Variants in CHADL observed in about 807,000 individuals in gnomAD.
CHADL encodes chondroadherin like, also known as chondroadherin-like protein.
In CHADL, 48 loss-of-function variants were observed where a neutral mutation model predicts 52.1. The ratio of observed to expected loss-of-function variants is 0.92; its 90% CI spans 0.73 to 1.17. The LOEUF is 1.17. Ranked by LOEUF, CHADL falls within the 50% of genes most tolerant of loss-of-function variation. The pLI, the probability that CHADL is intolerant of heterozygous loss-of-function variation, is 0.00. For synonymous variants in CHADL, 498 were observed against 511.2 expected (o/e 0.97, Z 0.35); for missense variants, 977 against 1,035.1 (o/e 0.94, Z 0.77).
intron 3 of CHADL, 141 bp from the exon 4 acceptor site, chr22:41,236,791 T>C (rs1310424746): frequency 1.2e-6 from 1 of 839,702 alleles, no homozygotes; most frequent in Non-Finnish European, 1.8e-6. Flanking sequence ...CAGCGCTGGG[T>C]CAAAACCCAG....
chr22:41,233,671 C>G (rs908990146), intron 5 of CHADL, among the ~76,000 whole-genome samples: 4 of 152,164 alleles, frequency 2.6e-5, no homozygotes, highest in African/African-American at 7.2e-5. Flanking sequence ...AGAGCACGCC[C>G]CTGCCAACAC....
chr22:41,240,751 C>A, intron 1 of CHADL, 123 bp downstream of exon 1: 1 of 1,195,650 alleles, frequency 8.4e-7, no homozygotes, highest in South Asian at 1.4e-5. Context: ...TCCTGGAGAA[C>A]CCCAGGAAGT....
chr22:41,234,627 C>A (rs910427368), intron 5 of CHADL, among the ~76,000 whole-genome samples: 4 of 151,780 alleles, frequency 2.6e-5, no homozygotes, highest in Admixed American at 6.6e-5. Flanking sequence ...GATCTCCGCT[C>A]ACTGCAAGGT....
Position 41,238,056 on chromosome 22 carries a change from G to A in CHADL, c.1016C>T (p.Pro339Leu). 7.9e-7 allele frequency: 1 copy of A among 1,272,442 alleles called. No homozygotes were observed. The highest frequency in any genetic ancestry group is 3.3e-5 in the East Asian group (1 of 30,442). 78.8% of individuals were successfully genotyped at this position (1,272,442 alleles called of 1,614,324 possible). ...CAGAGCCTCGCCCCGCAGGCGCCGCGGCCCCTGGCACGCGCCGTCCGAGCG... is the reference window on the plus strand; with the variant it reads ...CAGAGCCTCGCCCCGCAGGCGCCGCAGCCCCTGGCACGCGCCGTCCGAGCG... The part of the protein sequence containing the change: ...RVRSDGACQG[P>L]RRLRGEALDA... Residue 339 changes from proline to leucine, a missense_variant, in exon 3 of 6, where the codon CCG becomes CTG. Transcript: ENST00000216241. This position sits in a 1 kb window ranked among gnomAD's most constrained non-coding sequence, Gnocchi z 4.9.
Position 41,230,151 on chromosome 22 carries a change from G to A in CHADL, c.2263-421C>T, listed in dbSNP as rs150229614. ...CCTCCCTCTTCAGTCATTGCTGTGC[G>A]TGTGAAGGAAGAGCATCTAGACGTG... is the stretch of plus-strand genomic sequence containing the variant. On this transcript the variant is annotated intron_variant, in intron 5 of 5. Transcript: ENST00000216241. 3.0e-5 allele frequency: 48 copies of A among 1,605,052 alleles called. No individual in the cohort carries two copies. Among genetic ancestry groups the A allele is most frequent in the African/African-American group, 9.7e-5 (7 of 72,268 alleles).
intron 5 of CHADL, chr22:41,230,405 T>C (rs1428733586): frequency 1.6e-6 from 1 of 627,762 alleles, no homozygotes; most frequent in African/African-American, 1.8e-5. Flanking sequence ...GAGGACCTGC[T>C]GGGGTCTCCT....
intron 1 of CHADL, among the ~76,000 whole-genome samples, chr22:41,240,129 G>A (rs1270155560): frequency 6.6e-6 from 1 of 152,174 alleles, no homozygotes; most frequent in Non-Finnish European, 1.5e-5. Context: ...TGCCCAGGCT[G>A]GAGTCTGGAG....
At chr22:41,230,213 G>A (rs2032504201) in intron 5 of CHADL, 1 of 1,613,744 alleles carries the variant, frequency 6.2e-7, no homozygotes. Context: ...AGAGCTGCCT[G>A]TCTCCGTCGA....
chr22:41,231,906 A>G (rs763339368), intron 5 of CHADL, among the ~76,000 whole-genome samples: 2 of 152,184 alleles, frequency 1.3e-5, no homozygotes, highest in Non-Finnish European at 2.9e-5. Context: ...GGAACTCCAT[A>G]GTATCAAGAG....
intron 5 of CHADL, among the ~76,000 whole-genome samples, chr22:41,231,473 G>A (rs1396880117): frequency 1.7e-5 from 1 of 58,390 alleles, no homozygotes; most frequent in Non-Finnish European, 4.1e-5. Flanking sequence ...CCCAAAGACT[G>A]TGAGTTCCCC....
intron 5 of CHADL, among the ~76,000 whole-genome samples, chr22:41,232,148 C>G (rs533465314): frequency 1.3e-4 from 19 of 151,768 alleles, no homozygotes; most frequent in Non-Finnish European, 2.4e-4. Flanking sequence ...CTGGCTAACA[C>G]GATGAAACCC....
At chr22:41,237,067 G>A (rs2032756277) in intron 3 of CHADL, 109 bp downstream of exon 3, 1 of 1,210,848 alleles carries the variant, frequency 8.3e-7, no homozygotes, top group Admixed American at 2.6e-5. Context: ...CCCGTGCCCA[G>A]GCTGAGACCT....
Position 41,237,340 on chromosome 22 carries a change from T to C in CHADL, c.1732A>G (p.Arg578Gly). ...ARELEKLHLDRNQLREVPTGA... is the reference protein window; with the variant it reads ...ARELEKLHLDGNQLREVPTGA... ...GTGGGCACCTCTCGCAGCTGATTCC[T>C]GTCCAGGTGCAGCTTCTCCAGCTCC... The change falls in exon 3 of 6, where the codon AGG becomes GGG. Residue 578 changes from arginine (R) to glycine (G), a missense_variant. Physicochemically the swap from Arg to Gly is moderately radical, Grantham distance 125. Transcript: ENST00000216241. 1.3e-6 allele frequency: 2 copies of C among 1,550,678 alleles called. No homozygotes were observed. The highest frequency in any genetic ancestry group is 1.7e-6 in the Non-Finnish European group (2 of 1,146,944).
At chr22:41,231,274 C>G (rs1282641720) in intron 5 of CHADL, 1 of 152,210 alleles carries the variant, frequency 6.6e-6, no homozygotes, top group Non-Finnish European at 1.5e-5. Flanking sequence ...TTGCTTGAGT[C>G]CCGTTTGTTA....
chr22:41,237,833 GC>G lies in CHADL; in HGVS notation c.1238del (p.Gly413AlafsTer20). The G allele has an allele frequency of 7.2e-7, 1 of 1,391,232 alleles. No homozygotes were observed. 86.2% of individuals were successfully genotyped at this position (1,391,232 alleles called of 1,614,324 possible). On this transcript the variant is annotated frameshift_variant, in exon 3 of 6. Transcript: ENST00000216241. LOFTEE classifies it high-confidence loss of function. ...CGCGGGGCACCGCCTGCAGGCCGCA[GC>G]CCTCGCAGCTGCTGTGCCGGGACTC... ...VPESRHSSCE[G>X]CGLQAVPRGF...
chr22:41,237,478 C>T lies in CHADL; in HGVS notation c.1594G>A (p.Ala532Thr). ...TCCCCAGGTGCCAGGCGGTCCACAG[C>T]GTTGTCCTGCAGGTGCAGGGAGAAG... The part of the protein sequence containing the change: ...SLFSLHLQDN[A>T]VDRLAPGDLG... Residue 532 changes from alanine (A) to threonine (T), a missense_variant, in exon 3 of 6, where the codon GCT (alanine) becomes ACT (threonine). Coordinates refer to ENST00000216241, the MANE Select transcript of CHADL (RefSeq NM_138481.2). 6.4e-7 allele frequency: 1 copy of T among 1,550,550 alleles called. No individual in the cohort carries two copies. Among genetic ancestry groups the T allele is most frequent in the Non-Finnish European group, 8.7e-7 (1 of 1,146,974 alleles).
Position 41,238,631 on chromosome 22 carries a change from C to T in CHADL, c.441G>A (p.Glu147=), listed in dbSNP as rs1234819561. 1 of 1,544,462 alleles carries T rather than the reference C, an allele frequency of 6.5e-7. No individual in the cohort carries two copies. Among genetic ancestry groups the T allele is most frequent in the South Asian group, 1.2e-5 (1 of 84,018 alleles). ...CCCCGAACGTCCCCGGCCGCAGCTC[C>T]TCCAGTGCGTTCCCCTCCAGCTCCA... ...RRLELEGNAL[E]ELRPGTFGAL... is the part of the protein sequence containing the mutation. Residue 147 remains glutamate (E), a synonymous_variant, in exon 3 of 6, where the codon GAG becomes GAA. Transcript: ENST00000216241. The surrounding 1 kb of genome is among the most constrained non-coding windows in gnomAD (Gnocchi z 4.9).
chr22:41,230,423 G>T (rs1416897473), intron 5 of CHADL: 2 of 602,310 alleles, frequency 3.3e-6, no homozygotes, highest in Non-Finnish European at 5.9e-6. Flanking sequence ...CCTGGGACCC[G>T]CCTGTTGCTT....
At chr22:41,240,788 T>G (rs1308603014) in intron 1 of CHADL, 86 bp downstream of exon 1, 2 of 1,499,882 alleles carry the variant, frequency 1.3e-6, no homozygotes, top group East Asian at 2.5e-5. Context: ...CGCCAGCCTC[T>G]GAGAGGCCCA....
Sources: allele counts gnomAD v4.1 joint callset (sites outside exome capture counted in the v4.1 genomes callset), GRCh38; gene constraint gnomAD v4.1.1; non-coding constraint Gnocchi (gnomAD v3.1); transcripts MANE v1.5; gene names NCBI Gene and HGNC (gene_info 2026-07-23, HGNC 2026-07-21).